METTL15: variants seen among roughly 807,000 people sequenced by gnomAD.
The protein encoded by METTL15 is methyltransferase 15, mitochondrial 12S rRNA N4-cytidine.
In METTL15, 34 loss-of-function variants were observed where a neutral mutation model predicts 38.3. The ratio of observed to expected loss-of-function variants is 0.89; its 90% CI spans 0.68 to 1.18. METTL15 has a LOEUF of 1.18. Among genes scored for constraint, METTL15 ranks in the 50% most tolerant of loss-of-function variants. The pLI is 0.00. For synonymous variants in METTL15, 162 were observed against 170.9 expected (o/e 0.95, Z 0.41); for missense variants, 438 against 498.4 (o/e 0.88, Z 1.15).
chr11:28,343,917 G>C (rs2133356378), intron 3 of METTL15, among the ~76,000 whole-genome samples: 1 of 152,222 alleles, frequency 6.6e-6, no homozygotes, highest in East Asian at 1.9e-4. Flanking sequence ...TGTAATAGAA[G>C]GTAAGTACTA....
At chr11:28,159,021 A>G (rs1479953821) in intron 3 of METTL15, among the ~76,000 whole-genome samples, 9 of 152,182 alleles carry the variant, frequency 5.9e-5, no homozygotes, top group Non-Finnish European at 1.3e-4. Context: ...CATCAACCCT[A>G]GTGATACACT....
At chr11:28,334,963 T>G (rs1406876722), downstream of METTL15, among the ~76,000 whole-genome samples, 1 of 152,138 alleles carries the variant, frequency 6.6e-6, no homozygotes, top group African/African-American at 2.4e-5. Flanking sequence ...AGCAGGAGAT[T>G]GTGTCTTTGG....
chr11:28,407,078 C>T (rs545804257), intron 5 of METTL15, among the ~76,000 whole-genome samples: 18 of 152,134 alleles, frequency 1.2e-4, no homozygotes, highest in Middle Eastern at 3.4e-3. Context: ...CTTCTGGATT[C>T]GGTTTGCCAG....
intron 5 of METTL15, among the ~76,000 whole-genome samples, chr11:28,389,829 C>A (rs1278145798): frequency 6.6e-6 from 1 of 151,730 alleles, no homozygotes; most frequent in African/African-American, 2.4e-5. Flanking sequence ...AATGGTTGAA[C>A]TAGTTTACAG....
intron 3 of METTL15, chr11:28,145,219 A>G (rs1461573771): frequency 6.5e-6 from 1 of 152,710 alleles, no homozygotes; most frequent in Non-Finnish European, 1.5e-5. Context: ...TTTAGGATGA[A>G]AAATCCATGG....
intron 5 of METTL15, among the ~76,000 whole-genome samples, chr11:28,377,655 A>T (rs1431121942): frequency 6.6e-6 from 1 of 152,148 alleles, no homozygotes; most frequent in East Asian, 1.9e-4. Context: ...TTCTTCTCTC[A>T]GCTCGTCAAA....
intron 4 of METTL15, among the ~76,000 whole-genome samples, chr11:28,283,647 G>A (rs187305850): frequency 6.6e-6 from 1 of 152,238 alleles, no homozygotes; most frequent in East Asian, 1.9e-4. Flanking sequence ...CAGATGACTT[G>A]CCAGTATCAG....
intron 5 of METTL15, among the ~76,000 whole-genome samples, chr11:28,379,020 A>G (rs941409870): frequency 4.6e-5 from 7 of 151,884 alleles, no homozygotes; most frequent in African/African-American, 9.7e-5. Context: ...AATTGTTCAT[A>G]ATAGTCTCTA....
intron 5 of METTL15, among the ~76,000 whole-genome samples, chr11:28,403,943 A>G (rs1432944587): frequency 6.6e-6 from 1 of 151,836 alleles, no homozygotes. Flanking sequence ...GTATCCTGTG[A>G]TTTCTGCTGT....
At chr11:28,430,112 T>C (rs1850903804) in intron 6 of METTL15, among the ~76,000 whole-genome samples, 1 of 149,908 alleles carries the variant, frequency 6.7e-6, no homozygotes, top group Admixed American at 6.6e-5. Flanking sequence ...GAGGAGACCC[T>C]CTGCCTGGCA....
chr11:28,381,542 CT>C (rs1019340853), intron 5 of METTL15, among the ~76,000 whole-genome samples: 12 of 151,974 alleles, frequency 7.9e-5, no homozygotes, highest in Admixed American at 2.6e-4. Flanking sequence ...AATCTTTCTT[CT>C]TTTTCATTCT....
chr11:28,318,342 A>G, intron 6 of METTL15, among the ~76,000 whole-genome samples: 1 of 152,214 alleles, frequency 6.6e-6, no homozygotes, highest in South Asian at 2.1e-4. Context: ...GACAAGTAGT[A>G]CAGAGGGGTA....
chr11:28,262,447 T>G (rs1855245361), intron 4 of METTL15, among the ~76,000 whole-genome samples: 1 of 151,688 alleles, frequency 6.6e-6, no homozygotes, highest in Non-Finnish European at 1.5e-5. Context: ...TAGTCATAGT[T>G]ACTACATAGT....
intron 5 of METTL15, among the ~76,000 whole-genome samples, chr11:28,367,097 A>G (rs56195832): frequency 0.055 from 8,361 of 152,094 alleles, 404 homozygotes; most frequent in African/African-American, 0.13. Context: ...ATGTAGTCCA[A>G]TGTTTCAGCT....
At chr11:28,448,634 G>A (rs1851094328) in intron 6 of METTL15, among the ~76,000 whole-genome samples, 1 of 151,970 alleles carries the variant, frequency 6.6e-6, no homozygotes, top group Admixed American at 6.6e-5. Context: ...TTTTTCACAT[G>A]CTTTCTCTCT....
chr11:28,375,930 T>G (rs1850306051), intron 5 of METTL15, among the ~76,000 whole-genome samples: 1 of 152,090 alleles, frequency 6.6e-6, no homozygotes, highest in Non-Finnish European at 1.5e-5. Flanking sequence ...ATGTACCCAG[T>G]AGTCATTCAG....
intron 4 of METTL15, among the ~76,000 whole-genome samples, chr11:28,354,339 G>A (rs1051522089): frequency 2.0e-5 from 3 of 152,128 alleles, no homozygotes; most frequent in African/African-American, 7.2e-5. Context: ...TAACATATTG[G>A]GGGAGAGGAG....
chr11:28,215,863 G>A (rs550788946), intron 4 of METTL15, among the ~76,000 whole-genome samples: 3 of 152,152 alleles, frequency 2.0e-5, no homozygotes, highest in South Asian at 2.1e-4. Flanking sequence ...GTGAGACACC[G>A]TTTCTTACAG....
intron 4 of METTL15, among the ~76,000 whole-genome samples, chr11:28,233,050 T>C (rs1159346398): frequency 6.6e-6 from 1 of 152,098 alleles, no homozygotes; most frequent in Non-Finnish European, 1.5e-5. Flanking sequence ...CCTTTATTTT[T>C]TTTAAATTAT....
Sources: gnomAD v4.1 joint callset for allele counts (sites outside exome capture counted in the v4.1 genomes callset) on GRCh38, gnomAD v4.1.1 for gene constraint, MANE v1.5 for transcripts, NCBI Gene and HGNC (gene_info 2026-07-23, HGNC 2026-07-21) for gene names.